Variants in SEMA5B observed in about 807,000 individuals in gnomAD.
The protein encoded by SEMA5B is semaphorin-5B.
SEMA5B carries 66 observed loss-of-function variants against 135.0 expected under a neutral mutation model. That is an observed-to-expected ratio of 0.49 (90% CI 0.40 to 0.60). The LOEUF (loss-of-function observed/expected upper bound fraction) is 0.60. Among genes scored for constraint, SEMA5B ranks in the 20% least tolerant of loss-of-function variants. The pLI is 0.00. For missense variants in SEMA5B, 1,501 were observed against 1,566.3 expected, an observed-to-expected ratio of 0.96 and a Z score of 0.70; for synonymous variants, 690 against 639.5, an observed-to-expected ratio of 1.08 and a Z score of -1.19.
chr3:123,019,878 G>A (rs1279180168), intron 1 of SEMA5B, among the ~76,000 whole-genome samples: 1 of 152,200 alleles, frequency 6.6e-6, no homozygotes, highest in Non-Finnish European at 1.5e-5. Flanking sequence ...GAACTGATCT[G>A]GAGGCAGAGC....
intron 2 of SEMA5B, among the ~76,000 whole-genome samples, chr3:122,949,018 T>C (rs1419111751): frequency 6.6e-6 from 1 of 152,228 alleles, no homozygotes; most frequent in Non-Finnish European, 1.5e-5. Context: ...TAAATGGAGC[T>C]GAGGCCATGG....
At chr3:123,010,347 G>A (rs1417998397) in intron 1 of SEMA5B, among the ~76,000 whole-genome samples, 1 of 152,166 alleles carries the variant, frequency 6.6e-6, no homozygotes, top group African/African-American at 2.4e-5. Context: ...TCTAAAATGG[G>A]TATAACAGTA....
intron 1 of SEMA5B, among the ~76,000 whole-genome samples, chr3:123,019,945 T>C (rs540705569): frequency 6.6e-6 from 1 of 152,210 alleles, no homozygotes; most frequent in African/African-American, 2.4e-5. Flanking sequence ...AGGGAAGCAG[T>C]CAGCGCGAAG....
At chr3:122,935,686 C>CTTTCTTTTTTTTTTTTTTTTTTTTTTT (rs1939233868) in intron 5 of SEMA5B, among the ~76,000 whole-genome samples, 18 of 70,252 alleles carry the variant, frequency 2.6e-4, no homozygotes, top group Non-Finnish European at 4.1e-4. Flanking sequence ...TTCTTTCTTT[C>CTTTCTTTTTTTTTTTTTTTTTTTTTTT]TTTTTTTTTT....
rs1214117747 is a variant in SEMA5B, at chr3:122,922,303, G to A, written c.1417C>T (p.His473Tyr). 3 of 1,614,094 alleles carry A rather than the reference G, an allele frequency of 1.9e-6. No individual in the cohort carries two copies. Among genetic ancestry groups the A allele is most frequent in the Admixed American group, 3.3e-5 (2 of 60,018 alleles). ...GCCTGCACCAGGTCCACCACGAGGT[G>A]TGAGAAGCGCACGCTGTCCTGGGTG... is the stretch of plus-strand genomic sequence containing the variant. Reference protein sequence around the residue: ...CVTQDSVRFSHLVVDLVQAKD... With the variant: ...CVTQDSVRFSYLVVDLVQAKD... The change falls in exon 11 of 23, where the codon CAC (histidine) becomes TAC (tyrosine). Residue 473 changes from histidine to tyrosine, a missense_variant. Coordinates refer to ENST00000357599, the MANE Select transcript of SEMA5B (RefSeq NM_001031702.4).
chr3:122,973,697 G>T (rs953095526), intron 1 of SEMA5B, among the ~76,000 whole-genome samples: 2 of 152,130 alleles, frequency 1.3e-5, no homozygotes, highest in South Asian at 4.1e-4. Flanking sequence ...GCAAACTTGG[G>T]GGGTTGTAGA....
rs2107504181 is a variant in SEMA5B, at chr3:122,937,427, G to T, written c.474+1998C>A. Among the ~76,000 whole-genome samples the T allele has an allele frequency of 2.0e-5, 3 of 152,320 alleles. No homozygotes were observed. In the South Asian group the frequency reaches 6.2e-4, roughly 32 times the overall value. On this transcript the variant is annotated intron_variant, in intron 5 of 22. Transcript: ENST00000357599. ...ACTGGATGGCACACCCCAACCTCTT[G>T]CTTGTTCTCTCCCCTCTGTGGACAG...
intron 1 of SEMA5B, among the ~76,000 whole-genome samples, chr3:123,003,423 G>C (rs549892095): frequency 4.6e-5 from 7 of 151,488 alleles, no homozygotes; most frequent in African/African-American, 1.7e-4. Context: ...ATTCACATGA[G>C]AGGAACTTTA....
chr3:123,010,892 C>T (rs75705598), intron 1 of SEMA5B, among the ~76,000 whole-genome samples: 7,069 of 151,788 alleles, frequency 0.047, 236 homozygotes, highest in Non-Finnish European at 0.074. Context: ...ATCTGGGACT[C>T]ACCACCCCAA....
chr3:122,951,181 G>T (rs1046017889), intron 2 of SEMA5B, among the ~76,000 whole-genome samples: 1 of 152,124 alleles, frequency 6.6e-6, no homozygotes, highest in African/African-American at 2.4e-5. Flanking sequence ...AAAAATATCC[G>T]TATCAAAAAA....
At chr3:122,986,306 C>A (rs966354921) in intron 1 of SEMA5B, among the ~76,000 whole-genome samples, 2 of 152,190 alleles carry the variant, frequency 1.3e-5, no homozygotes, top group Non-Finnish European at 2.9e-5. Flanking sequence ...CAAACTGCAA[C>A]ATACAATTTG....
chr3:122,995,736 A>G (rs1244007204), intron 1 of SEMA5B, among the ~76,000 whole-genome samples: 1 of 152,206 alleles, frequency 6.6e-6, no homozygotes, highest in Non-Finnish European at 1.5e-5. Context: ...TATTCTGCCA[A>G]CAATTGGCTG....
intron 1 of SEMA5B, among the ~76,000 whole-genome samples, chr3:122,963,499 A>G (rs1016851679): frequency 6.6e-6 from 1 of 151,530 alleles, no homozygotes; most frequent in Admixed American, 6.6e-5. Context: ...ACTCAAAAAA[A>G]AAAAAGAAAA....
At chr3:122,976,969 G>C (rs1941347213) in intron 1 of SEMA5B, among the ~76,000 whole-genome samples, 1 of 152,214 alleles carries the variant, frequency 6.6e-6, no homozygotes. Context: ...AGAATCACTT[G>C]AACCGGGGAG....
At chr3:122,926,336 A>C in intron 9 of SEMA5B, 56 bp downstream of exon 9, 1 of 1,524,566 alleles carries the variant, frequency 6.6e-7, no homozygotes, top group Non-Finnish European at 8.9e-7. Context: ...CCAGGCCATG[A>C]GGCCAGGCCA....
intron 1 of SEMA5B, among the ~76,000 whole-genome samples, chr3:122,967,487 C>T (rs954553969): frequency 1.3e-5 from 2 of 152,208 alleles, no homozygotes; most frequent in African/African-American, 4.8e-5. Flanking sequence ...CACCTGCAAC[C>T]TTCTCCAGAG....
Position 122,988,393 on chromosome 3 carries a change from C to T in SEMA5B, c.-38-27092G>A, listed in dbSNP as rs565168215. Among the ~76,000 whole-genome samples the T allele has an allele frequency of 1.2e-4, 18 of 152,314 alleles. No homozygotes were observed. The East Asian group carries it at 3.1e-3, about 26-fold the overall frequency. ...CCCATACCCAGCTAAAATCAAACAC[C>T]GTCTGTATCCTCCATGTGCTAAAGT... On this transcript the variant is annotated intron_variant, in intron 1 of 22. Coordinates refer to ENST00000357599, the MANE Select transcript of SEMA5B (RefSeq NM_001031702.4).
In SEMA5B at chr3:122,913,474, G is replaced by C. The variant is rs777559222; in HGVS notation, c.2281-50C>G. On this transcript the variant is annotated intron_variant, in intron 16 of 22. Coordinates refer to ENST00000357599, the MANE Select transcript of SEMA5B (RefSeq NM_001031702.4). ...TTAGAACCCCACGGCCTCCAGGCCC[G>C]CCCTCCCCTCGGCTCCAGTACCCTA... 1.0e-5 allele frequency: 16 copies of C among 1,566,724 alleles called. No individual in the cohort carries two copies. The Admixed American group carries it at 1.0e-4, about 10-fold the overall frequency.
chr3:122,993,399 A>C (rs1941936391), intron 1 of SEMA5B: 1 of 152,208 alleles, frequency 6.6e-6, no homozygotes, highest in Admixed American at 6.5e-5. Context: ...AAGCTGCCTG[A>C]GGATGGTTTA....
Sources: gnomAD v4.1 joint callset for allele counts (sites outside exome capture counted in the v4.1 genomes callset) on GRCh38, gnomAD v4.1.1 for gene constraint, MANE v1.5 for transcripts, NCBI Gene and HGNC (gene_info 2026-07-23, HGNC 2026-07-21) for gene names.